KSR2: variants seen among roughly 807,000 people sequenced by gnomAD.
KSR2 encodes kinase suppressor of ras 2.
KSR2 carries 25 observed loss-of-function variants against 107.8 expected under a neutral mutation model. The ratio of observed to expected loss-of-function variants is 0.23; its 90% CI spans 0.17 to 0.32. The LOEUF is 0.32. Among genes scored for constraint, KSR2 ranks in the 10% least tolerant of loss-of-function variants. The pLI, the probability that KSR2 is intolerant of heterozygous loss-of-function variation, is 1.00. For synonymous variants in KSR2, 480 were observed against 507.0 expected, an observed-to-expected ratio of 0.95 and a Z score of 0.71; for missense variants, 887 against 1,268.9, an observed-to-expected ratio of 0.70 and a Z score of 4.57.
At chr12:117,570,547 G>A (rs934009074) in intron 7 of KSR2, among the ~76,000 whole-genome samples, 1 of 152,214 alleles carries the variant, frequency 6.6e-6, no homozygotes, top group Non-Finnish European at 1.5e-5. Flanking sequence ...CAGAAAAGGC[G>A]AAAATGGGCT....
At chr12:117,775,206 T>C (rs1320508578) in intron 3 of KSR2, among the ~76,000 whole-genome samples, 2 of 152,176 alleles carry the variant, frequency 1.3e-5, no homozygotes, top group Non-Finnish European at 2.9e-5. Context: ...GGTAACTCTG[T>C]GGTTAACCTT....
At chr12:117,711,417 A>T (rs143202320) in intron 4 of KSR2, among the ~76,000 whole-genome samples, 41 of 152,366 alleles carry the variant, frequency 2.7e-4, no homozygotes, top group Non-Finnish European at 4.4e-4. Flanking sequence ...ATGGAAGACC[A>T]ATGTGGCTGA....
At chr12:117,614,580 G>C (rs988262829) in intron 5 of KSR2, among the ~76,000 whole-genome samples, 1 of 152,116 alleles carries the variant, frequency 6.6e-6, no homozygotes, top group Non-Finnish European at 1.5e-5. Context: ...TGATGAATCT[G>C]GTTGAAAAAG....
At chr12:117,568,872 TA>T (rs1195504835) in intron 7 of KSR2, among the ~76,000 whole-genome samples, 11 of 152,186 alleles carry the variant, frequency 7.2e-5, no homozygotes, top group African/African-American at 2.4e-4. Flanking sequence ...CCATTATAAT[TA>T]TTGCAAAAAC....
chr12:117,931,566 T>C (rs1015020074), intron 1 of KSR2, among the ~76,000 whole-genome samples: 20 of 152,186 alleles, frequency 1.3e-4, no homozygotes, highest in Admixed American at 6.5e-5. Context: ...CTAGACGTTC[T>C]CTCTTCCCAT....
At chr12:117,893,935 A>T (rs1337176938) in intron 1 of KSR2, among the ~76,000 whole-genome samples, 1 of 136,726 alleles carries the variant, frequency 7.3e-6, no homozygotes, top group Non-Finnish European at 1.5e-5. Context: ...TTTGAGACGG[A>T]GTCTCGCTCT....
At chr12:117,886,805 C>G (rs1378670817) in intron 1 of KSR2, among the ~76,000 whole-genome samples, 3 of 151,814 alleles carry the variant, frequency 2.0e-5, no homozygotes, top group Non-Finnish European at 4.4e-5. Context: ...ATTGTTACAT[C>G]CTTCTTTTTC....
At chr12:117,936,672 G>A (rs1400280235) in intron 1 of KSR2, among the ~76,000 whole-genome samples, 5 of 151,936 alleles carry the variant, frequency 3.3e-5, no homozygotes, top group South Asian at 4.2e-4. Context: ...GGCATGAGCC[G>A]CTGTGCCTGG....
At chr12:117,543,365 T>C (rs1015996212) in intron 9 of KSR2, among the ~76,000 whole-genome samples, 1 of 152,352 alleles carries the variant, frequency 6.6e-6, no homozygotes, top group African/African-American at 2.4e-5. Flanking sequence ...CATTTCCTAA[T>C]GGCTAAGATA....
intron 3 of KSR2, among the ~76,000 whole-genome samples, chr12:117,769,904 A>C (rs4767613): frequency 0.093 from 14,197 of 152,052 alleles, 767 homozygotes; most frequent in African/African-American, 0.13. Flanking sequence ...AAATACAAAA[A>C]TTAGCCAGGT....
At chr12:117,886,290 T>C (rs891984972) in intron 1 of KSR2, among the ~76,000 whole-genome samples, 1 of 151,288 alleles carries the variant, frequency 6.6e-6, no homozygotes, top group Admixed American at 6.6e-5. Flanking sequence ...ATTATACAGG[T>C]ATATACCTAT....
intron 4 of KSR2, among the ~76,000 whole-genome samples, chr12:117,731,300 G>A (rs1209320931): frequency 2.0e-5 from 3 of 147,472 alleles, no homozygotes; most frequent in South Asian, 4.3e-4. Context: ...AGTGAGGAGC[G>A]TCTCCGCCCA....
chr12:117,867,747 G>C (rs949671160), intron 1 of KSR2, among the ~76,000 whole-genome samples: 5 of 152,126 alleles, frequency 3.3e-5, no homozygotes, highest in Admixed American at 2.6e-4. Flanking sequence ...TATAAGTGAG[G>C]CCATCTCAGA....
intron 3 of KSR2, among the ~76,000 whole-genome samples, chr12:117,831,971 G>A (rs1036731208): frequency 1.3e-5 from 2 of 152,136 alleles, no homozygotes; most frequent in Non-Finnish European, 2.9e-5. Context: ...ACTTGAGGGT[G>A]GTTTTTTCAC....
At chr12:117,820,437 C>T (rs1169242538) in intron 3 of KSR2, among the ~76,000 whole-genome samples, 1 of 152,190 alleles carries the variant, frequency 6.6e-6, no homozygotes, top group Admixed American at 6.5e-5. Context: ...CAGGACAGAC[C>T]TGCGGATCGT....
At chr12:117,665,899 G>A (rs1829364040) in intron 5 of KSR2, among the ~76,000 whole-genome samples, 1 of 152,198 alleles carries the variant, frequency 6.6e-6, no homozygotes, top group African/African-American at 2.4e-5. Context: ...TGCCTCACCT[G>A]GCTGTTGCTA....
At chr12:117,642,687 C>A (rs1883432943) in intron 5 of KSR2, among the ~76,000 whole-genome samples, 1 of 152,184 alleles carries the variant, frequency 6.6e-6, no homozygotes. Flanking sequence ...TCGGGTGGAC[C>A]TTTTTCATTA....
intron 1 of KSR2, among the ~76,000 whole-genome samples, chr12:117,932,884 G>A (rs972653133): frequency 6.6e-6 from 1 of 151,798 alleles, no homozygotes; most frequent in African/African-American, 2.4e-5. Context: ...ATGGTGGTGG[G>A]TGCCTGCAAT....
intron 4 of KSR2, among the ~76,000 whole-genome samples, chr12:117,752,194 T>C (rs1050071462): frequency 6.6e-6 from 1 of 152,212 alleles, no homozygotes; most frequent in African/African-American, 2.4e-5. Context: ...GAAGGTATAA[T>C]AAACACGGCT....
Sources: allele counts gnomAD v4.1 joint callset (sites outside exome capture counted in the v4.1 genomes callset), GRCh38; gene constraint gnomAD v4.1.1; transcripts MANE v1.5; gene names NCBI Gene and HGNC (gene_info 2026-07-23, HGNC 2026-07-21).